The following CUX1 variants were observed in gnomAD, a reference collection of about 807,000 sequenced individuals.
The protein encoded by CUX1 is cut like homeobox 1, also known as protein CASP.
In CUX1, 31 loss-of-function variants were observed where a neutral mutation model predicts 158.8. That is an observed-to-expected ratio of 0.20 (90% CI 0.15 to 0.26). The LOEUF (loss-of-function observed/expected upper bound fraction) is 0.26. Among genes scored for constraint, CUX1 ranks in the 10% least tolerant of loss-of-function variants. CUX1 has a pLI of 1.00. For missense variants in CUX1, 1,589 were observed against 2,014.6 expected (o/e 0.79, Z 4.04); for synonymous variants, 879 against 862.1 (o/e 1.02, Z -0.34).
At position 102,201,659 on chromosome 7, in the gene CUX1, G is replaced by A; in HGVS notation, c.2362G>A (p.Ala788Thr). The A allele has an allele frequency of 6.2e-7, 1 of 1,613,190 alleles. No homozygotes were observed. The highest frequency in any genetic ancestry group is 8.5e-7 in the Non-Finnish European group (1 of 1,179,884). The change falls in exon 18 of 24, where the codon GCC (alanine) becomes ACC (threonine). Residue 788 changes from alanine (A) to threonine (T), a missense_variant. Physicochemically the swap from Ala to Thr is moderately conservative, Grantham distance 58. Coordinates refer to ENST00000292535, the MANE Select transcript of CUX1 (RefSeq NM_181552.4). This position sits in a 1 kb window ranked among gnomAD's most constrained non-coding sequence, Gnocchi z 5.0. The stretch of plus-strand genomic sequence containing the variant: ...GAACCCCCCGGCCCTCAAAAAGGAG[G>A]CCCAGGACGCCCCCGGGCTGGACCC... ...LPNPPALKKE[A>T]QDAPGLDPQG...
chr7:101,890,475 C>T (rs1356834005), intron 1 of CUX1, among the ~76,000 whole-genome samples: 6 of 151,962 alleles, frequency 3.9e-5, no homozygotes, highest in Non-Finnish European at 8.8e-5. Context: ...CACCCTGCAG[C>T]CTGTCCTTCG....
intron 3 of CUX1, among the ~76,000 whole-genome samples, chr7:102,059,192 A>G (rs1824486570): frequency 6.6e-6 from 1 of 152,190 alleles, no homozygotes; most frequent in South Asian, 2.1e-4. Context: ...TTGTAAACTC[A>G]AGGAGAATAG....
intron 1 of CUX1, among the ~76,000 whole-genome samples, chr7:101,913,709 C>T (rs1303693624): frequency 1.3e-5 from 2 of 152,182 alleles, no homozygotes; most frequent in Non-Finnish European, 2.9e-5. Flanking sequence ...GGTAACCGCC[C>T]CCAGCACCCC....
chr7:102,189,997 G>A (rs1794106530), intron 12 of CUX1, 126 bp downstream of exon 12: 8 of 961,312 alleles, frequency 8.3e-6, no homozygotes, highest in Non-Finnish European at 1.1e-5. Context: ...GCCCGTAAAT[G>A]CAGCCAGAGT....
rs542416196 is a variant in CUX1 at position 101,891,296 on chromosome 7, G to A, written c.31-24819G>A. ...TGCAGTGGTTTGATCACAAGTCACT[G>A]TGGCCTCTAACTTACATGCTTAAGC... On this transcript the variant is annotated intron_variant, in intron 1 of 23. Coordinates refer to ENST00000292535, the MANE Select transcript of CUX1 (RefSeq NM_181552.4). Among the ~76,000 whole-genome samples, 10 of 152,286 alleles carry A rather than the reference G, an allele frequency of 6.6e-5. No individual in the cohort carries two copies. The South Asian group carries it at 2.1e-3, about 32-fold the overall frequency.
chr7:101,954,982 C>T (rs1161341451), intron 2 of CUX1, among the ~76,000 whole-genome samples: 1 of 152,056 alleles, frequency 6.6e-6, no homozygotes, highest in Non-Finnish European at 1.5e-5. Flanking sequence ...ACCAGCCTGG[C>T]CAACATGGTG....
At position 101,869,797 on chromosome 7, in the gene CUX1, T is replaced by C. The variant is rs1025056377; in HGVS notation, c.31-46318T>C. Among the ~76,000 whole-genome samples, 49 of 152,150 alleles carry C rather than the reference T, an allele frequency of 3.2e-4. No individual in the cohort carries two copies. The highest frequency in any genetic ancestry group is 1.1e-3 in the African/African-American group (46 of 41,420). On this transcript the variant is annotated intron_variant, in intron 1 of 23. Coordinates refer to ENST00000292535, the MANE Select transcript of CUX1 (RefSeq NM_181552.4). This position sits in a 1 kb window ranked among gnomAD's most constrained non-coding sequence, Gnocchi z 4.5. ...CAGGCTCTGGCATTTCCCAGGAATG[T>C]AAACCCCGGTTTCAGCTTTCCCCGT...
intron 2 of CUX1, among the ~76,000 whole-genome samples, chr7:101,973,060 C>A (rs902464490): frequency 6.6e-6 from 1 of 152,164 alleles, no homozygotes; most frequent in African/African-American, 2.4e-5. Context: ...AGCCGAAATC[C>A]CCGCATGCAC....
At chr7:101,846,930 A>G (rs548156227) in intron 1 of CUX1, among the ~76,000 whole-genome samples, 1 of 152,216 alleles carries the variant, frequency 6.6e-6, no homozygotes, top group Admixed American at 6.5e-5. Flanking sequence ...CCAGGAATTC[A>G]AGAGCAGCCT....
intron 1 of CUX1, among the ~76,000 whole-genome samples, chr7:101,823,488 A>G (rs1050842807): frequency 6.6e-6 from 1 of 152,190 alleles, no homozygotes; most frequent in Non-Finnish European, 1.5e-5. Flanking sequence ...GGCCGACTCC[A>G]TCAGCCGAAG....
chr7:102,219,055 A>AACAGACAC (rs1797535834), intron 20 of CUX1, among the ~76,000 whole-genome samples: 1 of 126,248 alleles, frequency 7.9e-6, no homozygotes, highest in African/African-American at 3.0e-5. Flanking sequence ...CCTGCCTCAA[A>AACAGACAC]ACACACACAC....
intron 8 of CUX1, among the ~76,000 whole-genome samples, chr7:102,138,127 T>A (rs1563296502): frequency 6.6e-6 from 1 of 152,006 alleles, no homozygotes; most frequent in Non-Finnish European, 1.5e-5. Flanking sequence ...AAGGCTGCAG[T>A]GAGCCAAAAT....
chr7:101,912,554 A>C (rs537765304), intron 1 of CUX1, among the ~76,000 whole-genome samples: 22 of 152,266 alleles, frequency 1.4e-4, no homozygotes, highest in African/African-American at 5.3e-4. Flanking sequence ...AGACAGTCCA[A>C]AGATACACAC....
chr7:102,251,149 C>A lies in CUX1; in HGVS notation c.*2107C>A. The A allele has an allele frequency of 4.1e-6, 4 of 983,616 alleles. No homozygotes were observed. Among genetic ancestry groups the A allele is most frequent in the Non-Finnish European group, 4.8e-6 (4 of 828,982 alleles). The allele number at this position is 983,616 out of a possible 1,614,324, so 60.9% of individuals were successfully genotyped here. A position where few individuals can be genotyped will look rare whatever the true frequency, so the allele number is the denominator to read the frequency against. On this transcript the variant is annotated 3_prime_UTR_variant, in exon 24 of 24. Coordinates refer to ENST00000292535, the MANE Select transcript of CUX1 (RefSeq NM_181552.4). ...AAAACTTTTTGACCGTATTGTGTAT[C>A]ATTGAAACCTTTGTCTTAGGTCAAC...
At chr7:101,837,152 G>T (rs1006663886) in intron 1 of CUX1, among the ~76,000 whole-genome samples, 4 of 152,160 alleles carry the variant, frequency 2.6e-5, no homozygotes, top group African/African-American at 9.7e-5. Context: ...ACTTGTCCGG[G>T]GTGCAGGTAT....
chr7:102,036,606 G>C (rs1821445099), intron 3 of CUX1, among the ~76,000 whole-genome samples: 1 of 152,040 alleles, frequency 6.6e-6, no homozygotes, highest in Admixed American at 6.6e-5. Context: ...GCCTGGTGTG[G>C]TCACGTGCTC....
intron 20 of CUX1, among the ~76,000 whole-genome samples, chr7:102,210,975 G>A (rs1013514312): frequency 6.6e-5 from 10 of 152,206 alleles, no homozygotes; most frequent in African/African-American, 2.4e-4. Flanking sequence ...AGGAACACGT[G>A]TCCAGGGCTC....
chr7:101,959,851 T>G (rs1451156213), intron 2 of CUX1, among the ~76,000 whole-genome samples: 3 of 152,190 alleles, frequency 2.0e-5, no homozygotes, highest in African/African-American at 7.2e-5. Flanking sequence ...CTGTGGACCC[T>G]TTTAAACATA....
At chr7:102,202,781 G>T (rs552139808) in intron 18 of CUX1, among the ~76,000 whole-genome samples, 1 of 152,264 alleles carries the variant, frequency 6.6e-6, no homozygotes, top group African/African-American at 2.4e-5. Flanking sequence ...ACACAGCTTG[G>T]GGATGGCCCA....
Sources: gnomAD v4.1 joint callset for allele counts (sites outside exome capture counted in the v4.1 genomes callset) on GRCh38, gnomAD v4.1.1 for gene constraint, Gnocchi (gnomAD v3.1) non-coding constraint, MANE v1.5 for transcripts, NCBI Gene and HGNC (gene_info 2026-07-23, HGNC 2026-07-21) for gene names.